Variants in ZSWIM5 observed in about 807,000 individuals in gnomAD.
The protein encoded by ZSWIM5 is zinc finger SWIM-type containing 5, also known as zinc finger SWIM domain-containing protein 5.
A neutral mutation model predicts 119.6 loss-of-function variants in ZSWIM5; 55 were observed. The observed-to-expected ratio is 0.46, with a 90% confidence interval of 0.37 to 0.58. The LOEUF is 0.58. ZSWIM5 is among the 20% of genes least tolerant of loss of function. ZSWIM5 has a pLI of 0.00. For synonymous variants in ZSWIM5, 537 were observed against 606.9 expected, an observed-to-expected ratio of 0.88 and a Z score of 1.69; for missense variants, 1,193 against 1,512.8, an observed-to-expected ratio of 0.79 and a Z score of 3.51.
chr1:45,118,928 A>G (rs1645575446), intron 1 of ZSWIM5, among the ~76,000 whole-genome samples: 1 of 152,156 alleles, frequency 6.6e-6, no homozygotes, highest in Non-Finnish European at 1.5e-5. Flanking sequence ...GCAGGCAATA[A>G]ATGAGTAGAC....
In ZSWIM5 at chr1:45,139,474, C is replaced by CTTT. The variant is rs551063549; in HGVS notation, c.596-51240_596-51238dup. Among the ~76,000 whole-genome samples the CTTT allele has an allele frequency of 1.0e-3, 116 of 116,532 alleles. 2 individuals are homozygous for CTTT. The highest frequency in any genetic ancestry group is 3.4e-3 in the African/African-American group (104 of 30,846). 76.4% of individuals were successfully genotyped at this position (116,532 alleles called of 152,430 possible). The stretch of plus-strand genomic sequence containing the variant: ...CTCCCCTCTCCCTCCCTCTCTCTCT[C>CTTT]TTTTTTTTTTTTTTTTGTAGAGACA... On this transcript the variant is annotated intron_variant, in intron 1 of 13. Transcript: ENST00000359600.
intron 1 of ZSWIM5, among the ~76,000 whole-genome samples, chr1:45,167,121 A>G (rs1032599666): frequency 6.6e-6 from 1 of 152,096 alleles, no homozygotes; most frequent in Admixed American, 6.6e-5. Flanking sequence ...GTACCAAAAC[A>G]GAGATATAGA....
rs573315046 is a variant in ZSWIM5 at position 45,171,084 on chromosome 1, G to A, written c.595+34672C>T. 1.2e-4 allele frequency among the ~76,000 whole-genome samples: 18 copies of A among 152,032 alleles called. No homozygotes were observed. In the South Asian group the frequency reaches 1.7e-3, roughly 14 times the overall value. On this transcript the variant is annotated intron_variant, in intron 1 of 13. Coordinates refer to ENST00000359600, the MANE Select transcript of ZSWIM5 (RefSeq NM_020883.2). ...TCTACTTTAGAAGATGCAACTTTTG[G>A]AAAAACTACATTTAACAGTGCAGAA...
intron 1 of ZSWIM5, among the ~76,000 whole-genome samples, chr1:45,137,141 G>A (rs1645694925): frequency 6.6e-6 from 1 of 152,074 alleles, no homozygotes; most frequent in Non-Finnish European, 1.5e-5. Flanking sequence ...GGGCAAAGGT[G>A]CAATCATAGC....
chr1:45,181,364 C>G (rs1384303420), intron 1 of ZSWIM5, among the ~76,000 whole-genome samples: 1 of 151,530 alleles, frequency 6.6e-6, no homozygotes, highest in African/African-American at 2.4e-5. Flanking sequence ...TGAAATGAAG[C>G]GAGAAGGGAA....
At chr1:45,116,106 A>G (rs1296340103) in intron 1 of ZSWIM5, among the ~76,000 whole-genome samples, 2 of 151,876 alleles carry the variant, frequency 1.3e-5, no homozygotes, top group Non-Finnish European at 2.9e-5. Flanking sequence ...GGAGAGAGGG[A>G]CAGCGAGACA....
At chr1:45,045,900 G>A (rs573051557) in intron 5 of ZSWIM5, among the ~76,000 whole-genome samples, 2 of 152,192 alleles carry the variant, frequency 1.3e-5, no homozygotes, top group South Asian at 4.1e-4. Flanking sequence ...AGGGAGAAAA[G>A]CAAGCTGGTG....
Position 45,017,505 on chromosome 1 carries a change from CATAAAT to C in ZSWIM5, c.*943_*948del, listed in dbSNP as rs936397574. On this transcript the variant is annotated 3_prime_UTR_variant, in exon 14 of 14. Coordinates refer to ENST00000359600, the MANE Select transcript of ZSWIM5 (RefSeq NM_020883.2). ...CACAGCCATAGAACTGACACATACA[CATAAAT>C]ATATATGTGCACAAACAGGCATGCA... 1 of 152,330 alleles carries C rather than the reference CATAAAT, an allele frequency of 6.6e-6. No individual in the cohort carries two copies. Among genetic ancestry groups the C allele is most frequent in the East Asian group, 1.9e-4 (1 of 5,182 alleles). 9.4% of individuals were successfully genotyped at this position (152,330 alleles called of 1,614,324 possible).
In ZSWIM5 at chr1:45,206,384, C is replaced by T; in HGVS notation, c.-34G>A. 3.0e-6 allele frequency: 4 copies of T among 1,353,650 alleles called. No homozygotes were observed. The highest frequency in any genetic ancestry group is 3.8e-6 in the Non-Finnish European group (4 of 1,055,770). The allele number at this position is 1,353,650 out of a possible 1,614,324, so 83.9% of individuals were successfully genotyped here. The stretch of plus-strand genomic sequence containing the variant: ...ACTGACTGACTGACTGAGGCGGCGG[C>T]GGCTGCTCGGGCTGCGGCGGAGACC... On this transcript the variant is annotated 5_prime_UTR_variant, in exon 1 of 14. Transcript: ENST00000359600.
intron 1 of ZSWIM5, among the ~76,000 whole-genome samples, chr1:45,101,337 A>G (rs1645438687): frequency 6.6e-6 from 1 of 152,220 alleles, no homozygotes; most frequent in Admixed American, 6.5e-5. Context: ...CAAAACCACA[A>G]TGAGATACCA....
At chr1:45,156,772 T>C (rs866525330) in intron 1 of ZSWIM5, among the ~76,000 whole-genome samples, 15 of 149,772 alleles carry the variant, frequency 1.0e-4, no homozygotes, top group Admixed American at 8.7e-4. Flanking sequence ...GAAAGGCCAG[T>C]TGGGCAAATA....
In ZSWIM5 at chr1:45,115,860, G is replaced by A. The variant is rs183557359; in HGVS notation, c.596-27623C>T. Among the ~76,000 whole-genome samples, 741 of 152,362 alleles carry A rather than the reference G, an allele frequency of 4.9e-3. 2 individuals carry two copies. The highest frequency in any genetic ancestry group is 0.035 in the South Asian group (168 of 4,832). ...ACTTCCCAGACGGGGTGGCGGCCGG[G>A]CAGAGGCTGCAATCTTGGCACTTTG... On this transcript the variant is annotated intron_variant, in intron 1 of 13. Coordinates refer to ENST00000359600, the MANE Select transcript of ZSWIM5 (RefSeq NM_020883.2).
At chr1:45,115,245 C>T (rs1364594638) in intron 1 of ZSWIM5, among the ~76,000 whole-genome samples, 1 of 150,028 alleles carries the variant, frequency 6.7e-6, no homozygotes, top group Non-Finnish European at 1.5e-5. Flanking sequence ...CCCCACCTCC[C>T]GGGCGAGGTG....
chr1:45,146,177 C>T (rs928619278), intron 1 of ZSWIM5, among the ~76,000 whole-genome samples: 1 of 151,986 alleles, frequency 6.6e-6, no homozygotes, highest in African/African-American at 2.4e-5. Context: ...AGAGATAGGA[C>T]AATAGCTGGT....
intron 2 of ZSWIM5, chr1:45,070,411 C>T (rs891793845): frequency 1.4e-6 from 2 of 1,403,184 alleles, no homozygotes; most frequent in East Asian, 2.3e-5. Context: ...AAGAACGGGA[C>T]ATGGTACAAA....
intron 1 of ZSWIM5, among the ~76,000 whole-genome samples, chr1:45,198,853 T>C (rs1195660602): frequency 2.0e-5 from 3 of 152,264 alleles, no homozygotes; most frequent in Non-Finnish European, 4.4e-5. Flanking sequence ...TTGAACTTGA[T>C]GGAGTTTATG....
intron 1 of ZSWIM5, among the ~76,000 whole-genome samples, chr1:45,108,836 T>G (rs1645497055): frequency 6.6e-6 from 1 of 152,174 alleles, no homozygotes; most frequent in Non-Finnish European, 1.5e-5. Flanking sequence ...TCATAAAAAC[T>G]ATAATCAAAT....
chr1:45,106,697 T>A (rs1645481812), intron 1 of ZSWIM5, among the ~76,000 whole-genome samples: 1 of 152,096 alleles, frequency 6.6e-6, no homozygotes, highest in Non-Finnish European at 1.5e-5. Context: ...ATCTGGGAAG[T>A]GTATCCAACA....
At chr1:45,050,599 A>G (rs1402563641) in intron 5 of ZSWIM5, among the ~76,000 whole-genome samples, 4 of 152,196 alleles carry the variant, frequency 2.6e-5, no homozygotes, top group Non-Finnish European at 1.5e-5. Context: ...GAATCCTACC[A>G]ATAATATGGG....
Sources: allele counts gnomAD v4.1 joint callset (sites outside exome capture counted in the v4.1 genomes callset), GRCh38; gene constraint gnomAD v4.1.1; transcripts MANE v1.5; gene names NCBI Gene and HGNC (gene_info 2026-07-23, HGNC 2026-07-21).